The following AMOTL1 variants were observed in gnomAD, a reference collection of about 807,000 sequenced individuals.
AMOTL1 encodes angiomotin-like protein 1.
AMOTL1 carries 45 observed loss-of-function variants against 102.9 expected under a neutral mutation model. The ratio of observed to expected loss-of-function variants is 0.44; its 90% CI spans 0.34 to 0.56. AMOTL1 has a LOEUF of 0.56. AMOTL1 is among the 20% of genes least tolerant of loss of function. The pLI is 0.01. For synonymous variants in AMOTL1, 481 were observed against 484.7 expected (o/e 0.99, Z 0.10); for missense variants, 1,114 against 1,225.6 (o/e 0.91, Z 1.36).
intron 1 of AMOTL1, among the ~76,000 whole-genome samples, chr11:94,776,919 A>T (rs1252111804): frequency 6.6e-6 from 1 of 152,220 alleles, no homozygotes; most frequent in Non-Finnish European, 1.5e-5. Flanking sequence ...CATCCTGGTG[A>T]TGTGGGAAAG....
At chr11:94,772,856 C>T (rs1378776677) in intron 1 of AMOTL1, among the ~76,000 whole-genome samples, 1 of 152,232 alleles carries the variant, frequency 6.6e-6, no homozygotes, top group Non-Finnish European at 1.5e-5. Context: ...TGCAACCTCA[C>T]TAGCATTTGA....
chr11:94,746,142 G>T (rs989350181), intron 3 of AMOTL1, among the ~76,000 whole-genome samples: 1 of 152,164 alleles, frequency 6.6e-6, no homozygotes, highest in Non-Finnish European at 1.5e-5. Context: ...CCAAAAAGGG[G>T]ATTTTTTAAA....
chr11:94,820,579 G>A (rs1488192785), intron 3 of AMOTL1, among the ~76,000 whole-genome samples: 1 of 152,172 alleles, frequency 6.6e-6, no homozygotes, highest in Non-Finnish European at 1.5e-5. Flanking sequence ...AGACAATCGC[G>A]GGGTTGGAGT....
chr11:94,850,338 A>G (rs544517924), intron 7 of AMOTL1, 79 bp downstream of exon 7: 2 of 1,458,732 alleles, frequency 1.4e-6, no homozygotes, highest in African/African-American at 1.4e-5. Context: ...TTCCTAACCC[A>G]CCTACTTTAA....
intron 1 of AMOTL1, among the ~76,000 whole-genome samples, chr11:94,777,807 A>G (rs1229641535): frequency 6.6e-6 from 1 of 152,240 alleles, no homozygotes; most frequent in African/African-American, 2.4e-5. Flanking sequence ...ATTTGGATAC[A>G]GAATCACTCA....
chr11:94,822,626 C>T lies in AMOTL1; in HGVS notation c.1413+805C>T, dbSNP rs554756948. 4.6e-5 allele frequency among the ~76,000 whole-genome samples: 7 copies of T among 152,274 alleles called. No homozygotes were observed. The Middle Eastern group carries it at 0.01, about 222-fold the overall frequency. ...TGCTTTCTGCATGTTTGTGACTTAT[C>T]AGGTGGGGAGATGCTGAGTAATTCC... On this transcript the variant is annotated intron_variant, in intron 4 of 12. Transcript: ENST00000433060.
rs138059525 is a variant in AMOTL1 at position 94,800,278 on chromosome 11, G to T, written c.1088G>T (p.Arg363Leu). 1 of 1,611,750 alleles carries T rather than the reference G, an allele frequency of 6.2e-7. No homozygotes were observed. Among genetic ancestry groups the T allele is most frequent in the Admixed American group, 1.7e-5 (1 of 59,564 alleles). The change falls in exon 3 of 13, where the codon CGG becomes CTG. Residue 363 changes from arginine (R) to leucine (L), a missense_variant. Arg to Leu is a moderately radical substitution (Grantham distance 102, BLOSUM62 -2). Coordinates refer to ENST00000433060, the MANE Select transcript of AMOTL1 (RefSeq NM_130847.3). ...GTGAGAACAGATGTGGCCGTCCTGC[G>T]GTACCAGCCACCCCCTGAGTATGGG... ...QPVRTDVAVL[R>L]YQPPPEYGVT...
Position 94,795,057 on chromosome 11 carries a change from A to G in AMOTL1, c.96A>G (p.Leu32=), listed in dbSNP as rs1951340594. The change falls in exon 2 of 13, where the codon CTA becomes CTG. Residue 32 remains leucine (L), a synonymous_variant. Transcript: ENST00000433060. ...GCCCCAGTAGTCCTGTCCAGGTTCT[A>G]GAAGACTCCACCTACTTTTCCCCAG... ...CYSPSSPVQV[L]EDSTYFSPDF... is the part of the protein sequence containing the mutation. 2 of 1,613,808 alleles carry G rather than the reference A, an allele frequency of 1.2e-6. No homozygotes were observed. The highest frequency in any genetic ancestry group is 1.7e-6 in the Non-Finnish European group (2 of 1,179,820).
chr11:94,741,572 T>C (rs965452799), intron 3 of AMOTL1, among the ~76,000 whole-genome samples: 6 of 152,128 alleles, frequency 3.9e-5, no homozygotes, highest in African/African-American at 1.2e-4. Flanking sequence ...ATGCCTGTCA[T>C]GGTAAGTGGA....
At chr11:94,840,148 C>G (rs865863172) in intron 6 of AMOTL1, among the ~76,000 whole-genome samples, 1 of 152,200 alleles carries the variant, frequency 6.6e-6, no homozygotes, top group Non-Finnish European at 1.5e-5. Context: ...TGAAATCAAA[C>G]TTTATTCTCT....
Position 94,774,783 on chromosome 11 carries a change from C to G in AMOTL1, c.49+6223C>G, listed in dbSNP as rs151009944. On this transcript the variant is annotated intron_variant, in intron 1 of 12. Transcript: ENST00000433060. ...GAATGACCATTTTAAAACATAGCCC[C>G]TTTAAATTGGGCCTGGACTGAGATG... Among the ~76,000 whole-genome samples the G allele has an allele frequency of 2.3e-3, 354 of 152,304 alleles. 2 individuals carry two copies. Among genetic ancestry groups the G allele is most frequent in the African/African-American group, 8.3e-3 (343 of 41,560 alleles).
At chr11:94,723,841 A>C (rs1001705006) in intron 1 of AMOTL1, among the ~76,000 whole-genome samples, 1 of 152,106 alleles carries the variant, frequency 6.6e-6, no homozygotes, top group African/African-American at 2.4e-5. Context: ...GTGCCACTGA[A>C]ATTTTATCAC....
chr11:94,755,252 A>G (rs1456920474), intron 3 of AMOTL1, among the ~76,000 whole-genome samples: 1 of 152,236 alleles, frequency 6.6e-6, no homozygotes, highest in African/African-American at 2.4e-5. Flanking sequence ...TGGACTGGTT[A>G]TATGGCTTCT....
At chr11:94,749,371 C>A (rs745851194) in intron 3 of AMOTL1, among the ~76,000 whole-genome samples, 1 of 152,192 alleles carries the variant, frequency 6.6e-6, no homozygotes, top group Non-Finnish European at 1.5e-5. Context: ...TCCAGGCCCC[C>A]GGCCAATTGG....
intron 6 of AMOTL1, among the ~76,000 whole-genome samples, chr11:94,843,165 T>C (rs1952342029): frequency 6.6e-6 from 1 of 152,228 alleles, no homozygotes; most frequent in African/African-American, 2.4e-5. Flanking sequence ...CAAACCAGCA[T>C]CTTCTAAGGT....
At chr11:94,726,282 G>C (rs548590748) in intron 1 of AMOTL1, among the ~76,000 whole-genome samples, 1 of 152,082 alleles carries the variant, frequency 6.6e-6, no homozygotes, top group African/African-American at 2.4e-5. Flanking sequence ...CCACTCTATC[G>C]GTGTACACAA....
chr11:94,849,716 T>A (rs1174678646), intron 6 of AMOTL1, among the ~76,000 whole-genome samples: 2 of 152,150 alleles, frequency 1.3e-5, no homozygotes, highest in African/African-American at 4.8e-5. Context: ...TGAATGAGAA[T>A]ATTAATATTA....
chr11:94,844,867 A>G (rs959570727), intron 6 of AMOTL1, among the ~76,000 whole-genome samples: 2 of 152,172 alleles, frequency 1.3e-5, no homozygotes, highest in African/African-American at 2.4e-5. Context: ...TGACTTAGAC[A>G]CTACTTGATC....
intron 3 of AMOTL1, among the ~76,000 whole-genome samples, chr11:94,819,704 C>G (rs1048526918): frequency 6.6e-6 from 1 of 152,130 alleles, no homozygotes; most frequent in African/African-American, 2.4e-5. Context: ...CAAGCTGTAC[C>G]CAGACCACCT....
Sources: allele counts gnomAD v4.1 joint callset (sites outside exome capture counted in the v4.1 genomes callset), GRCh38; gene constraint gnomAD v4.1.1; transcripts MANE v1.5; gene names NCBI Gene and HGNC (gene_info 2026-07-23, HGNC 2026-07-21).